Variants in VPS13B observed in about 807,000 individuals in gnomAD.
The protein encoded by VPS13B is intermembrane lipid transfer protein VPS13B.
A neutral mutation model predicts 426.4 loss-of-function variants in VPS13B; 285 were observed. The ratio of observed to expected loss-of-function variants is 0.67; its 90% confidence interval spans 0.61 to 0.74. The LOEUF is 0.74. Ranked by LOEUF, VPS13B falls within the 30% of genes least tolerant of loss-of-function variation. The probability of loss-of-function intolerance (pLI) is 0.00; values close to 1 mark genes in which losing one functional copy is unlikely to be tolerated. For synonymous variants in VPS13B, 1,676 were observed against 1,676.4 expected, an observed-to-expected ratio of 1.00 and a Z score of 0.01; for missense variants, 4,537 against 4,782.6, an observed-to-expected ratio of 0.95 and a Z score of 1.51.
At chr8:99,395,522 A>G (rs1344918986) in intron 21 of VPS13B, among the ~76,000 whole-genome samples, 1 of 152,220 alleles carries the variant, frequency 6.6e-6, no homozygotes, top group Non-Finnish European at 1.5e-5. Context: ...TAAACTATCT[A>G]TAGAGTAAAG....
intron 44 of VPS13B, among the ~76,000 whole-genome samples, chr8:99,811,314 A>G (rs180736236): frequency 3.6e-4 from 55 of 152,304 alleles, no homozygotes; most frequent in African/African-American, 1.3e-3. Context: ...AACTTGTGAG[A>G]ACTCCACAAG....
chr8:99,060,872 C>T (rs1844146434), intron 3 of VPS13B, among the ~76,000 whole-genome samples: 1 of 151,734 alleles, frequency 6.6e-6, no homozygotes, highest in Non-Finnish European at 1.5e-5. Context: ...AGTCTGTCAA[C>T]TATTTTAAGT....
At chr8:99,793,284 TAA>T (rs1554959615) in intron 43 of VPS13B, among the ~76,000 whole-genome samples, 1 of 142,538 alleles carries the variant, frequency 7.0e-6, no homozygotes, top group Non-Finnish European at 1.5e-5. Flanking sequence ...TATATATATA[TAA>T]AATACATGAT....
At chr8:99,508,018 T>TC (rs1821591174) in intron 28 of VPS13B, 6 of 1,522,796 alleles carry the variant, frequency 3.9e-6, no homozygotes, top group Non-Finnish European at 5.4e-6. Context: ...TTCCTCCATA[T>TC]CATAAACTTT....
At position 99,828,396 on chromosome 8, in the gene VPS13B, T is replaced by G. The variant is rs1563495237; in HGVS notation, c.9331-3973T>G. On this transcript the variant is annotated intron_variant, in intron 51 of 61. Transcript: ENST00000357162. ...CAGAGACTAGGATTACAACCACCGT[T>G]TTTTTTTTTTTTTTTTTTTTTTTTT... Among the ~76,000 whole-genome samples the G allele has an allele frequency of 5.9e-3, 162 of 27,466 alleles. 26 individuals carry two copies. The highest frequency in any genetic ancestry group is 0.013 in the Admixed American group (26 of 2,026). 18.0% of individuals were successfully genotyped at this position (27,466 alleles called of 152,430 possible). A position where few individuals can be genotyped will look rare whatever the true frequency, so the allele number is the denominator to read the frequency against.
intron 19 of VPS13B, among the ~76,000 whole-genome samples, chr8:99,328,622 T>C (rs1044232359): frequency 1.3e-5 from 2 of 152,142 alleles, no homozygotes; most frequent in Non-Finnish European, 2.9e-5. Context: ...GTTTCAAGTA[T>C]TTGCAAGGAG....
intron 54 of VPS13B, 62 bp from the exon 55 acceptor site, chr8:99,848,714 C>T: frequency 6.8e-7 from 1 of 1,480,184 alleles, no homozygotes; most frequent in Non-Finnish European, 9.4e-7. Flanking sequence ...CATTTGAAGT[C>T]AAGCCACTTC....
Position 99,834,698 on chromosome 8 carries a change from A to G in VPS13B, c.9615-499A>G, listed in dbSNP as rs143994639. On this transcript the variant is annotated intron_variant, in intron 52 of 61. Coordinates refer to ENST00000357162, the MANE Select transcript of VPS13B (RefSeq NM_152564.5). ...CTCAGCCTTCCAAGTAGCTGGGACC[A>G]CAAGTGTGCACCACAGCACCTGGCT... 3.8e-3 allele frequency among the ~76,000 whole-genome samples: 583 copies of G among 152,202 alleles called. 7 individuals carry two copies. The highest frequency in any genetic ancestry group is 0.013 in the African/African-American group (557 of 41,516).
chr8:99,736,880 C>A (rs940566484), intron 39 of VPS13B, among the ~76,000 whole-genome samples: 1 of 151,950 alleles, frequency 6.6e-6, no homozygotes, highest in African/African-American at 2.4e-5. Context: ...TTTATAAAAA[C>A]TGTTACCATT....
At chr8:99,248,199 C>T (rs1817321494) in intron 17 of VPS13B, among the ~76,000 whole-genome samples, 1 of 151,996 alleles carries the variant, frequency 6.6e-6, no homozygotes, top group African/African-American at 2.4e-5. Context: ...ATAGCCTGTC[C>T]CTATAACATT....
At chr8:99,207,849 A>G (rs1236854664) in intron 17 of VPS13B, among the ~76,000 whole-genome samples, 1 of 152,172 alleles carries the variant, frequency 6.6e-6, no homozygotes, top group Non-Finnish European at 1.5e-5. Context: ...AGTCATTTTG[A>G]AAATATGTAG....
In VPS13B at chr8:99,115,682, G is replaced by A. The variant is rs757376430; in HGVS notation, c.763-18G>A. Reference sequence around the variant, plus strand: ...TTAAACATGCGTTTGTTGGTGTTATGTCTTTTTCAAAATGCAGATTCATAC... The same window carrying A: ...TTAAACATGCGTTTGTTGGTGTTATATCTTTTTCAAAATGCAGATTCATAC... On this transcript the variant is annotated intron_variant, in intron 6 of 61. Coordinates refer to ENST00000357162, the MANE Select transcript of VPS13B (RefSeq NM_152564.5). The A allele has an allele frequency of 3.7e-6, 6 of 1,611,278 alleles. No homozygotes were observed. Among genetic ancestry groups the A allele is most frequent in the Non-Finnish European group, 5.1e-6 (6 of 1,178,722 alleles).
chr8:99,593,230 C>G (rs957928011), intron 33 of VPS13B, among the ~76,000 whole-genome samples: 8 of 151,758 alleles, frequency 5.3e-5, no homozygotes, highest in Non-Finnish European at 1.2e-4. Context: ...AAAAAACAAC[C>G]CCATTAAAAA....
intron 23 of VPS13B, among the ~76,000 whole-genome samples, chr8:99,451,660 C>T (rs950014717): frequency 3.9e-5 from 6 of 152,172 alleles, no homozygotes; most frequent in African/African-American, 1.4e-4. Flanking sequence ...TTCCCAGATA[C>T]ATTTTCTTTC....
intron 24 of VPS13B, among the ~76,000 whole-genome samples, chr8:99,478,740 C>A (rs1050756257): frequency 6.6e-6 from 1 of 151,538 alleles, no homozygotes; most frequent in African/African-American, 2.4e-5. Flanking sequence ...TGAGCCACCA[C>A]ACCTGGCGCG....
At chr8:99,315,551 C>A (rs1316567786) in intron 19 of VPS13B, among the ~76,000 whole-genome samples, 1 of 148,396 alleles carries the variant, frequency 6.7e-6, no homozygotes, top group African/African-American at 2.5e-5. Context: ...TTTTAAATTT[C>A]TTTGCATCAT....
chr8:99,341,993 AG>A (rs1194314806), intron 19 of VPS13B, among the ~76,000 whole-genome samples: 1 of 152,218 alleles, frequency 6.6e-6, no homozygotes, highest in African/African-American at 2.4e-5. Flanking sequence ...ATTGCTATGT[AG>A]TAATTCCAGT....
chr8:99,275,377 C>A, intron 19 of VPS13B, 123 bp downstream of exon 19: 1 of 893,774 alleles, frequency 1.1e-6, no homozygotes, highest in Non-Finnish European at 1.6e-6. Flanking sequence ...GCTTACTCTG[C>A]AGTTGTGCTT....
At position 99,170,129 on chromosome 8, in the gene VPS13B, C is replaced by G. The variant is rs774814663; in HGVS notation, c.2299C>G (p.Leu767Val). The part of the protein sequence containing the change: ...VPVIPSFSTA[L>V]YGKLLKLPTC... ...AGTTATTCCCTCTTTCAGCACTGCT[C>G]TTTATGGGAAACTTCTGAAACTCCC... The change falls in exon 16 of 62, where the codon CTT becomes GTT. Residue 767 changes from leucine (L) to valine (V), a missense_variant. This residue lies in a region of VPS13B where 4,311 missense variants were observed against 4,474.3 expected (regional missense o/e 0.96). Transcript: ENST00000357162. 6.2e-7 allele frequency: 1 copy of G among 1,612,734 alleles called. No individual in the cohort carries two copies. The highest frequency in any genetic ancestry group is 8.5e-7 in the Non-Finnish European group (1 of 1,179,046).
Sources: allele counts gnomAD v4.1 joint callset (sites outside exome capture counted in the v4.1 genomes callset), GRCh38; gene constraint gnomAD v4.1.1; regional missense constraint gnomAD v4.1.1; transcripts MANE v1.5; gene names NCBI Gene and HGNC (gene_info 2026-07-23, HGNC 2026-07-21).